KCNMB2: variants seen among roughly 807,000 people sequenced by gnomAD.
The protein encoded by KCNMB2 is calcium-activated potassium channel subunit beta-2.
KCNMB2 carries 9 observed loss-of-function variants against 24.5 expected under a neutral mutation model. The ratio of observed to expected loss-of-function variants is 0.37; its 90% CI spans 0.22 to 0.64. The LOEUF is 0.64. KCNMB2 is among the 30% of genes least tolerant of loss of function. The pLI is 0.63. For synonymous variants in KCNMB2, 109 were observed against 104.4 expected (o/e 1.04, Z -0.27); for missense variants, 226 against 284.3 (o/e 0.79, Z 1.47).
chr3:178,564,219 A>G (rs988564982), intron 1 of KCNMB2, among the ~76,000 whole-genome samples: 10 of 152,040 alleles, frequency 6.6e-5, no homozygotes, highest in Admixed American at 3.9e-4. Context: ...CGGAGGTTGC[A>G]GTGAGTCGAG....
chr3:178,588,295 T>C (rs925530480), intron 1 of KCNMB2, among the ~76,000 whole-genome samples: 5 of 152,114 alleles, frequency 3.3e-5, no homozygotes, highest in Admixed American at 2.6e-4. Flanking sequence ...CACCATTACC[T>C]GAGGTGGAAG....
At chr3:178,637,087 G>T (rs1577064792) in intron 1 of KCNMB2, among the ~76,000 whole-genome samples, 1 of 151,840 alleles carries the variant, frequency 6.6e-6, no homozygotes, top group Non-Finnish European at 1.5e-5. Flanking sequence ...ACCATATTTT[G>T]TTTATCCAAT....
intron 1 of KCNMB2, among the ~76,000 whole-genome samples, chr3:178,597,063 G>A (rs1206087404): frequency 1.3e-5 from 2 of 152,126 alleles, no homozygotes; most frequent in African/African-American, 2.4e-5. Context: ...TGCCATGCAT[G>A]CTGAGGAGAC....
intron 1 of KCNMB2, among the ~76,000 whole-genome samples, chr3:178,561,594 C>T (rs1716319343): frequency 6.6e-6 from 1 of 152,166 alleles, no homozygotes; most frequent in South Asian, 2.1e-4. Flanking sequence ...TCCCATCATT[C>T]TGTAATAGTG....
chr3:178,640,528 A>G (rs976845495), intron 1 of KCNMB2, among the ~76,000 whole-genome samples: 1 of 152,204 alleles, frequency 6.6e-6, no homozygotes, highest in Non-Finnish European at 1.5e-5. Flanking sequence ...ACAATTTGAC[A>G]TGAGATTTGG....
At chr3:178,709,133 C>T (rs555516268) in intron 1 of KCNMB2, among the ~76,000 whole-genome samples, 38 of 152,066 alleles carry the variant, frequency 2.5e-4, no homozygotes, top group Non-Finnish European at 5.1e-4. Flanking sequence ...GATTTGGAGC[C>T]GAAGCCAATT....
rs112766030 is a variant in KCNMB2, at chr3:178,665,611, G to C, written c.-68+128900G>C. On this transcript the variant is annotated intron_variant, in intron 1 of 4. Coordinates refer to ENST00000452583, the MANE Select transcript of KCNMB2 (RefSeq NM_181361.3). ...GTTGTTTTCAATGACTTTGAGATTA[G>C]GCATAACAAATATTGGTATTATAAT... 1.1e-3 allele frequency among the ~76,000 whole-genome samples: 172 copies of C among 152,144 alleles called. 1 individual carries two copies. The highest frequency in any genetic ancestry group is 4.0e-3 in the African/African-American group (166 of 41,504).
chr3:178,710,043 T>C lies in KCNMB2; in HGVS notation c.-67-97300T>C, dbSNP rs1722399757. 2.0e-5 allele frequency among the ~76,000 whole-genome samples: 3 copies of C among 152,300 alleles called. No homozygotes were observed. In the East Asian group the frequency reaches 5.8e-4, roughly 29 times the overall value. ...ATGCACATTTACCTTCTCTGAACTC[T>C]GAAGCTCCTGTGTGTACCTATCCAT... On this transcript the variant is annotated intron_variant, in intron 1 of 4. Coordinates refer to ENST00000452583, the MANE Select transcript of KCNMB2 (RefSeq NM_181361.3).
intron 1 of KCNMB2, among the ~76,000 whole-genome samples, chr3:178,679,343 G>A (rs1452146309): frequency 2.6e-5 from 4 of 152,114 alleles, no homozygotes; most frequent in Admixed American, 2.6e-4. Context: ...TGATCATCCT[G>A]CCTCAGCCTT....
At chr3:178,819,129 G>C (rs190955731) in intron 2 of KCNMB2, among the ~76,000 whole-genome samples, 2 of 152,126 alleles carry the variant, frequency 1.3e-5, no homozygotes, top group African/African-American at 2.4e-5. Flanking sequence ...ACATTTATTT[G>C]GCCCTTTTCT....
chr3:178,801,185 T>G (rs888333855), intron 1 of KCNMB2, among the ~76,000 whole-genome samples: 2 of 152,142 alleles, frequency 1.3e-5, no homozygotes, highest in Admixed American at 6.5e-5. Context: ...GAGTAATAAT[T>G]GGATGGTTTG....
chr3:178,754,428 A>G (rs1436547244), intron 1 of KCNMB2, among the ~76,000 whole-genome samples: 1 of 152,124 alleles, frequency 6.6e-6, no homozygotes, highest in African/African-American at 2.4e-5. Context: ...TGAAGTACTT[A>G]GAATAGTAGC....
At chr3:178,717,146 A>G (rs1376640625) in intron 1 of KCNMB2, among the ~76,000 whole-genome samples, 9 of 152,068 alleles carry the variant, frequency 5.9e-5, no homozygotes, top group Admixed American at 2.6e-4. Context: ...ATATAAATGG[A>G]AAATTAAAGA....
chr3:178,714,567 C>T (rs955259527), intron 1 of KCNMB2, among the ~76,000 whole-genome samples: 1 of 152,054 alleles, frequency 6.6e-6, no homozygotes, highest in Non-Finnish European at 1.5e-5. Context: ...GGAGAAAGCA[C>T]GACATGGTTA....
chr3:178,711,172 C>T (rs574469412), intron 1 of KCNMB2, among the ~76,000 whole-genome samples: 1 of 152,230 alleles, frequency 6.6e-6, no homozygotes, highest in South Asian at 2.1e-4. Flanking sequence ...ATGGCACTTG[C>T]CAATAGTCAG....
At chr3:178,678,403 T>C (rs1345006412) in intron 1 of KCNMB2, among the ~76,000 whole-genome samples, 2 of 152,210 alleles carry the variant, frequency 1.3e-5, no homozygotes, top group Non-Finnish European at 2.9e-5. Context: ...AGGGACTTTA[T>C]TTTTATTTTA....
rs74969635 is a variant in KCNMB2, at chr3:178,564,378, G to A, written c.-68+27667G>A. Reference sequence around the variant, plus strand: ...ATAGTGACTAGAACAAACTCTGACTGAGACAAGAAATTCAGTGCTTATGTA... The same window carrying A: ...ATAGTGACTAGAACAAACTCTGACTAAGACAAGAAATTCAGTGCTTATGTA... On this transcript the variant is annotated intron_variant, in intron 1 of 4. Transcript: ENST00000452583. Among the ~76,000 whole-genome samples, 931 of 152,262 alleles carry A rather than the reference G, an allele frequency of 6.1e-3. 12 individuals carry two copies. Among genetic ancestry groups the A allele is most frequent in the African/African-American group, 0.021 (875 of 41,560 alleles).
At chr3:178,703,541 T>C (rs974668386) in intron 1 of KCNMB2, among the ~76,000 whole-genome samples, 1 of 152,128 alleles carries the variant, frequency 6.6e-6, no homozygotes, top group Non-Finnish European at 1.5e-5. Flanking sequence ...TTCGTGTTCA[T>C]TATTCATGTT....
chr3:178,590,489 A>T (rs1005831184), intron 1 of KCNMB2, among the ~76,000 whole-genome samples: 1 of 152,188 alleles, frequency 6.6e-6, no homozygotes, highest in Non-Finnish European at 1.5e-5. Flanking sequence ...AATTGCATTA[A>T]CTTTTTTAAA....
Sources: allele counts gnomAD v4.1 joint callset (sites outside exome capture counted in the v4.1 genomes callset), GRCh38; gene constraint gnomAD v4.1.1; transcripts MANE v1.5; gene names NCBI Gene and HGNC (gene_info 2026-07-23, HGNC 2026-07-21).